MYOM2: variants seen among roughly 807,000 people sequenced by gnomAD.
The protein encoded by MYOM2 is myomesin 2.
A neutral mutation model predicts 187.6 loss-of-function variants in MYOM2; 254 were observed. The observed-to-expected ratio is 1.35, with a 90% CI of 1.22 to 1.50. The LOEUF (loss-of-function observed/expected upper bound fraction) is 1.50. Ranked by LOEUF, MYOM2 falls within the 40% of genes most tolerant of loss-of-function variation. MYOM2 has a pLI of 0.00. For synonymous variants in MYOM2, 981 were observed against 753.8 expected (o/e 1.30, Z -4.94); for missense variants, 2,796 against 1,924.0 (o/e 1.45, Z -8.48).
At chr8:2,052,415 A>T in intron 3 of MYOM2, 102 bp downstream of exon 3, 1 of 1,285,680 alleles carries the variant, frequency 7.8e-7, no homozygotes. Context: ...GAGAGGGAAG[A>T]TCAAGGAACA....
intron 32 of MYOM2, among the ~76,000 whole-genome samples, chr8:2,135,882 C>T (rs1027991171): frequency 2.6e-5 from 4 of 152,198 alleles, no homozygotes; most frequent in Admixed American, 2.6e-4. Context: ...GTTTGGCCCT[C>T]TTATAAGTTG....
intron 1 of MYOM2, among the ~76,000 whole-genome samples, chr8:2,049,647 G>C (rs147296854): frequency 6.6e-6 from 1 of 152,160 alleles, no homozygotes; most frequent in Non-Finnish European, 1.5e-5. Flanking sequence ...ACAGATCCTC[G>C]TCATTTAAAC....
At chr8:2,134,520 G>A (rs1184431077) in intron 32 of MYOM2, among the ~76,000 whole-genome samples, 1 of 151,692 alleles carries the variant, frequency 6.6e-6, no homozygotes, top group East Asian at 1.9e-4. Flanking sequence ...AGACCTGTGT[G>A]CTGGGATTTG....
In MYOM2 at chr8:2,106,271, G is replaced by A. The variant is rs139030625; in HGVS notation, c.2764G>A (p.Glu922Lys). Residue 922 changes from glutamate (E) to lysine (K), a missense_variant, in exon 22 of 37, where the codon GAA becomes AAA. By Grantham distance (56) the Glu-to-Lys change is moderately conservative (BLOSUM62 1). Transcript: ENST00000262113. Reference protein sequence around the residue: ...GTKEISAGVDEQGNIYLGFDC... With the variant: ...GTKEISAGVDKQGNIYLGFDC... The stretch of plus-strand genomic sequence containing the variant: ...CAAGGAAATCAGTGCTGGTGTCGAT[G>A]AACAAGGCAACATCTATCTGGGCTT... 5.8e-5 allele frequency: 94 copies of A among 1,614,036 alleles called. No individual in the cohort carries two copies. Among genetic ancestry groups the A allele is most frequent in the Non-Finnish European group, 7.5e-5 (88 of 1,180,036 alleles).
In MYOM2 at chr8:2,045,131, A is replaced by G. The variant is rs941240294; in HGVS notation, c.-50A>G. 1 of 152,230 alleles carries G rather than the reference A, an allele frequency of 6.6e-6. No individual in the cohort carries two copies. The highest frequency in any genetic ancestry group is 2.4e-5 in the African/African-American group (1 of 41,336). The allele number at this position is 152,230 out of a possible 1,614,324, so 9.4% of individuals were successfully genotyped here. A position where few individuals can be genotyped will look rare whatever the true frequency, so the allele number is the denominator to read the frequency against. On this transcript the variant is annotated 5_prime_UTR_variant, in exon 1 of 37. Transcript: ENST00000262113. ...GTGGCTTGGTGAGCCGGTGGTCAGG[A>G]ATTCTCTCTCCTCCTTGCAATTTTC...
At chr8:2,045,423 C>G (rs1468405528) in intron 1 of MYOM2, among the ~76,000 whole-genome samples, 4 of 152,148 alleles carry the variant, frequency 2.6e-5, no homozygotes, top group Non-Finnish European at 5.9e-5. Flanking sequence ...CGTTTAGCAC[C>G]CTGCGGCGTG....
At position 2,102,697 on chromosome 8, in the gene MYOM2, G is replaced by A. The variant is rs748547624; in HGVS notation, c.2650G>A (p.Val884Ile). The A allele has an allele frequency of 1.9e-6, 3 of 1,613,832 alleles. No homozygotes were observed. The highest frequency in any genetic ancestry group is 2.2e-5 in the South Asian group (2 of 91,068). Reference protein sequence around the residue: ...VSDLQQGKTYVFRVRAVNANG... With the variant: ...VSDLQQGKTYIFRVRAVNANG... The stretch of plus-strand genomic sequence containing the variant: ...TGACCTGCAGCAAGGTAAGACCTAT[G>A]TCTTCAGGGTCCGGGCAGTCAATGC... Residue 884 changes from valine (V) to isoleucine (I), a missense_variant, in exon 21 of 37, where the codon GTC (valine) becomes ATC (isoleucine). Physicochemically the swap from Val to Ile is conservative, Grantham distance 29. Coordinates refer to ENST00000262113, the MANE Select transcript of MYOM2 (RefSeq NM_003970.4).
chr8:2,106,464 C>T (rs1446895283), intron 22 of MYOM2, 27 bp from the exon 23 acceptor site: 1 of 1,610,032 alleles, frequency 6.2e-7, no homozygotes, highest in Non-Finnish European at 8.5e-7. Context: ...AAATGATCGA[C>T]ATTCACCTAC....
At chr8:2,078,007 C>G (rs1819493147) in intron 11 of MYOM2, among the ~76,000 whole-genome samples, 1 of 152,190 alleles carries the variant, frequency 6.6e-6, no homozygotes, top group Non-Finnish European at 1.5e-5. Flanking sequence ...CAGATGAAGG[C>G]ACCACTCTGG....
At position 2,109,201 on chromosome 8, in the gene MYOM2, G is replaced by A. The variant is rs115320804; in HGVS notation, c.3044-194G>A. The A allele has an allele frequency of 1.8e-3, 1,108 of 603,318 alleles. 11 individuals carry two copies. In the African/African-American group the frequency reaches 0.019, roughly 10 times the overall value. 37.4% of individuals were successfully genotyped at this position (603,318 alleles called of 1,614,324 possible). ...GCAAAGCTAACTGAGAACTCATGTG[G>A]CATGAGGCTTTAGAGGCAACAACAG... On this transcript the variant is annotated intron_variant, in intron 24 of 36. Transcript: ENST00000262113.
intron 18 of MYOM2, among the ~76,000 whole-genome samples, chr8:2,098,570 C>T (rs1343381374): frequency 6.6e-6 from 1 of 152,148 alleles, no homozygotes; most frequent in Non-Finnish European, 1.5e-5. Context: ...TCCTTACCTG[C>T]CGCTGGGGTA....
At chr8:2,076,665 C>G (rs1164799223) in intron 11 of MYOM2, 1 of 177,022 alleles carries the variant, frequency 5.6e-6, no homozygotes, top group East Asian at 1.5e-4. Context: ...CTGTCCTTCC[C>G]TCCTGAGAGA....
intron 3 of MYOM2, among the ~76,000 whole-genome samples, chr8:2,055,493 G>C (rs545303161): frequency 5.2e-4 from 79 of 152,294 alleles, no homozygotes; most frequent in African/African-American, 1.9e-3. Flanking sequence ...ACATTGTAGG[G>C]AAAGGCTGTG....
chr8:2,052,574 C>T (rs1016101921), intron 3 of MYOM2, among the ~76,000 whole-genome samples: 3 of 152,228 alleles, frequency 2.0e-5, no homozygotes, highest in East Asian at 1.9e-4. Flanking sequence ...CTGTTCAGAG[C>T]GCTCACGCCA....
intron 28 of MYOM2, among the ~76,000 whole-genome samples, chr8:2,120,689 A>ATATATATGTAAATATATATTTATAATAT: frequency 4.7e-5 from 2 of 42,416 alleles, no homozygotes; most frequent in African/African-American, 7.5e-5. Flanking sequence ...ATTATATATA[A>ATATATATGTAAATATATATTTATAATAT]ATATATAATA....
intron 32 of MYOM2, among the ~76,000 whole-genome samples, chr8:2,136,440 T>G (rs1217722237): frequency 6.6e-6 from 1 of 152,214 alleles, no homozygotes; most frequent in African/African-American, 2.4e-5. Context: ...CACCATTCCT[T>G]CATTACAGTG....
At chr8:2,053,881 C>A (rs760928534) in intron 3 of MYOM2, among the ~76,000 whole-genome samples, 5 of 152,200 alleles carry the variant, frequency 3.3e-5, no homozygotes, top group Non-Finnish European at 5.9e-5. Context: ...TGCATGTCTT[C>A]CATGGGGAAG....
At chr8:2,133,415 G>C in intron 32 of MYOM2, among the ~76,000 whole-genome samples, 1 of 152,192 alleles carries the variant, frequency 6.6e-6, no homozygotes, top group East Asian at 1.9e-4. Flanking sequence ...CAGTGGACTT[G>C]ACGGAACCAC....
Position 2,069,357 on chromosome 8 carries a change from G to T in MYOM2, c.733G>T (p.Val245Leu). 3 of 1,614,006 alleles carry T rather than the reference G, an allele frequency of 1.9e-6. No individual in the cohort carries two copies. The highest frequency in any genetic ancestry group is 2.5e-6 in the Non-Finnish European group (3 of 1,179,922). ...HGQVSTNAAV[V>L]VRRFRGDEEP... ...ACAAGTGTCCACCAACGCGGCGGTG[G>T]TGGTGAGAAGTGAGTGCCGGGTGGG... The change falls in exon 7 of 37, where the codon GTG becomes TTG. Residue 245 changes from valine to leucine, a missense_variant. Coordinates refer to ENST00000262113, the MANE Select transcript of MYOM2 (RefSeq NM_003970.4).
Sources: gnomAD v4.1 joint callset for allele counts (sites outside exome capture counted in the v4.1 genomes callset) on GRCh38, gnomAD v4.1.1 for gene constraint, MANE v1.5 for transcripts, NCBI Gene and HGNC (gene_info 2026-07-23, HGNC 2026-07-21) for gene names.